The following SCML4 variants were observed in gnomAD, a reference collection of about 807,000 sequenced individuals.
SCML4 encodes the protein Scm polycomb group protein like 4.
A neutral mutation model predicts 41.1 loss-of-function variants in SCML4; 34 were observed. The ratio of observed to expected loss-of-function variants is 0.83; its 90% CI spans 0.63 to 1.10. The LOEUF is 1.10. SCML4 is among the 50% of genes least tolerant of loss of function. SCML4 has a pLI of 0.00. For missense variants in SCML4, 522 were observed against 534.1 expected (o/e 0.98, Z 0.22); for synonymous variants, 214 against 220.9 (o/e 0.97, Z 0.28).
intron 2 of SCML4, chr6:107,755,554 A>G (rs776771899): frequency 1.6e-6 from 2 of 1,264,148 alleles, no homozygotes; most frequent in Non-Finnish European, 1.0e-6. Flanking sequence ...TGCAGGGCCC[A>G]GTCCATCAGC....
At chr6:107,803,447 G>C (rs9486717) in intron 1 of SCML4, among the ~76,000 whole-genome samples, 3,210 of 148,194 alleles carry the variant, frequency 0.022, 102 homozygotes, top group African/African-American at 0.076. Flanking sequence ...CCCCCCGCCC[G>C]GCCAGCCGCC....
intron 3 of SCML4, among the ~76,000 whole-genome samples, chr6:107,749,319 C>G (rs1038746197): frequency 1.3e-5 from 2 of 152,030 alleles, no homozygotes; most frequent in Admixed American, 6.5e-5. Context: ...AGAGCAAACA[C>G]AGGAACAAGA....
chr6:107,737,439 C>G (rs1338885520), intron 5 of SCML4, among the ~76,000 whole-genome samples: 1 of 152,200 alleles, frequency 6.6e-6, no homozygotes, highest in African/African-American at 2.4e-5. Flanking sequence ...CTCGATCCAA[C>G]CACTCTGCCC....
At chr6:107,751,247 G>T (rs1241290432) in intron 2 of SCML4, among the ~76,000 whole-genome samples, 2 of 152,232 alleles carry the variant, frequency 1.3e-5, no homozygotes, top group Non-Finnish European at 2.9e-5. Flanking sequence ...GTGCAATTGA[G>T]TTGTACTTTA....
At chr6:107,803,443 G>T (rs544105449) in intron 1 of SCML4, among the ~76,000 whole-genome samples, 1 of 147,770 alleles carries the variant, frequency 6.8e-6, no homozygotes, top group African/African-American at 2.5e-5. Context: ...TCAGCCCCCC[G>T]CCCGGCCAGC....
intron 2 of SCML4, among the ~76,000 whole-genome samples, chr6:107,753,227 G>T (rs1341592934): frequency 6.6e-6 from 1 of 152,070 alleles, no homozygotes; most frequent in Non-Finnish European, 1.5e-5. Context: ...GAGCACTATT[G>T]GTGGAAATGT....
At chr6:107,721,131 C>T (rs989750093) in intron 5 of SCML4, 138 bp from the exon 6 acceptor site, 2 of 995,726 alleles carry the variant, frequency 2.0e-6, no homozygotes, top group South Asian at 2.0e-5. Context: ...AAATGAACCT[C>T]ACAACATAAT....
At chr6:107,803,535 C>A (rs1280178531) in intron 1 of SCML4, among the ~76,000 whole-genome samples, 1 of 149,824 alleles carries the variant, frequency 6.7e-6, no homozygotes, top group Non-Finnish European at 1.5e-5. Context: ...GGCCACCACC[C>A]CGTCTGGGAG....
chr6:107,797,003 GC>G (rs1782762123), intron 1 of SCML4, among the ~76,000 whole-genome samples: 1 of 152,010 alleles, frequency 6.6e-6, no homozygotes, highest in African/African-American at 2.4e-5. Flanking sequence ...ATTTCTGAAC[GC>G]TTGATTCTGT....
intron 1 of SCML4, among the ~76,000 whole-genome samples, chr6:107,772,821 A>G (rs1056584407): frequency 1.3e-5 from 2 of 152,184 alleles, no homozygotes; most frequent in African/African-American, 2.4e-5. Context: ...ATAAATTGTC[A>G]TGACCTCTTT....
chr6:107,749,917 T>G, intron 2 of SCML4, 104 bp from the exon 3 acceptor site: 4 of 1,121,946 alleles, frequency 3.6e-6, no homozygotes, highest in Non-Finnish European at 5.3e-6. Context: ...TCTATCATGC[T>G]TCCACACCTT....
chr6:107,735,993 T>C (rs1479645912), intron 5 of SCML4, among the ~76,000 whole-genome samples: 1 of 152,140 alleles, frequency 6.6e-6, no homozygotes, highest in Non-Finnish European at 1.5e-5. Flanking sequence ...ATTCCACATA[T>C]TAATTCAAAC....
intron 2 of SCML4, among the ~76,000 whole-genome samples, chr6:107,757,158 T>C (rs559066927): frequency 6.9e-4 from 105 of 152,270 alleles, no homozygotes; most frequent in Non-Finnish European, 1.3e-3. Flanking sequence ...TTTCCATTTA[T>C]AGAACCAAAA....
At chr6:107,730,088 G>A (rs1776389915) in intron 5 of SCML4, among the ~76,000 whole-genome samples, 1 of 152,214 alleles carries the variant, frequency 6.6e-6, no homozygotes, top group Non-Finnish European at 1.5e-5. Flanking sequence ...TTCTAGGTAT[G>A]CAGAACTACT....
At chr6:107,805,254 T>C (rs142322055) in intron 1 of SCML4, among the ~76,000 whole-genome samples, 2 of 152,300 alleles carry the variant, frequency 1.3e-5, no homozygotes, top group East Asian at 3.9e-4. Flanking sequence ...TGGCCCTTTA[T>C]AGAAAATGTT....
At chr6:107,792,929 C>A (rs566974262) in intron 1 of SCML4, among the ~76,000 whole-genome samples, 1 of 152,222 alleles carries the variant, frequency 6.6e-6, no homozygotes, top group African/African-American at 2.4e-5. Context: ...GAAACAATAA[C>A]AAATTATCTA....
the SCML4 span, among the ~76,000 whole-genome samples, chr6:107,834,937 GAA>G: frequency 8.3e-4 from 119 of 143,116 alleles, no homozygotes; most frequent in Non-Finnish European, 1.2e-3. Context: ...GACCCTGTCT[GAA>G]AAAAAAAAAA....
At chr6:107,819,601 T>A (rs916543066) in intron 1 of SCML4, among the ~76,000 whole-genome samples, 2 of 150,462 alleles carry the variant, frequency 1.3e-5, no homozygotes, top group African/African-American at 2.5e-5. Flanking sequence ...GCTGCAGGAA[T>A]GTGCAATCAT....
chr6:107,817,069 T>G (rs1425315942), intron 1 of SCML4, among the ~76,000 whole-genome samples: 1 of 152,196 alleles, frequency 6.6e-6, no homozygotes, highest in Non-Finnish European at 1.5e-5. Flanking sequence ...TGTTAAAAAT[T>G]TACAGGGACC....
Sources: allele counts gnomAD v4.1 joint callset (sites outside exome capture counted in the v4.1 genomes callset), GRCh38; gene constraint gnomAD v4.1.1; transcripts MANE v1.5; gene names NCBI Gene and HGNC (gene_info 2026-07-23, HGNC 2026-07-21).